Variants in ACTR3C observed in about 807,000 individuals in gnomAD.
ACTR3C encodes actin related protein 3C.
Under a neutral mutation model 26.3 loss-of-function variants are expected in ACTR3C, and 18 were observed. That is an observed-to-expected ratio of 0.68 (90% CI 0.47 to 1.01). The LOEUF is 1.01. Among genes scored for constraint, ACTR3C ranks in the 50% least tolerant of loss-of-function variants. The pLI, the probability that ACTR3C is intolerant of heterozygous loss-of-function variation, is 0.00. For synonymous variants in ACTR3C, 55 were observed against 94.5 expected, an observed-to-expected ratio of 0.58 and a Z score of 2.42; for missense variants, 184 against 250.7, an observed-to-expected ratio of 0.73 and a Z score of 1.80.
At chr7:149,997,624 A>G in the ACTR3C span, among the ~76,000 whole-genome samples, 1 of 151,026 alleles carries the variant, frequency 6.6e-6, no homozygotes, top group African/African-American at 2.4e-5. Context: ...AAGGCAGGAT[A>G]ATAGAGTCGA....
chr7:150,283,585 C>T lies in ACTR3C; in HGVS notation c.564+1168G>A, dbSNP rs148007399. Among the ~76,000 whole-genome samples the T allele has an allele frequency of 4.6e-3, 691 of 151,572 alleles. 5 individuals carry two copies. Among genetic ancestry groups the T allele is most frequent in the African/African-American group, 0.016 (640 of 41,072 alleles). On this transcript the variant is annotated intron_variant, in intron 6 of 7. Transcript: ENST00000683684. ...TTTAGCATACATAATTCAAAAAATA[C>T]GCAAACTATATATTTTATATAAAAT... is the stretch of plus-strand genomic sequence containing the variant.
At chr7:149,937,142 C>T in the ACTR3C span, among the ~76,000 whole-genome samples, 1 of 147,720 alleles carries the variant, frequency 6.8e-6, no homozygotes, top group Non-Finnish European at 1.5e-5. Context: ...ATAGTGCTGT[C>T]GGGAAGATCA....
At chr7:150,036,046 G>A in the ACTR3C span, among the ~76,000 whole-genome samples, 1 of 128,002 alleles carries the variant, frequency 7.8e-6, no homozygotes, top group South Asian at 2.3e-4. Context: ...GTGGGAAGAG[G>A]GGCTCGCTCT....
At chr7:149,938,214 C>A in the ACTR3C span, among the ~76,000 whole-genome samples, 1 of 152,186 alleles carries the variant, frequency 6.6e-6, no homozygotes, top group Non-Finnish European at 1.5e-5. Context: ...AAGCTCTACT[C>A]TCAGCCCCCA....
At chr7:150,194,612 T>C in the ACTR3C span, among the ~76,000 whole-genome samples, 14 of 152,186 alleles carry the variant, frequency 9.2e-5, no homozygotes, top group Non-Finnish European at 1.9e-4. Context: ...TCCTAGCTCT[T>C]TTCAAGTTGT....
At chr7:150,140,297 G>T in the ACTR3C span, among the ~76,000 whole-genome samples, 1 of 152,080 alleles carries the variant, frequency 6.6e-6, no homozygotes, top group Non-Finnish European at 1.5e-5. Context: ...CTCACTTGGG[G>T]TATGGCTATT....
chr7:149,938,345 A>C, the ACTR3C span, among the ~76,000 whole-genome samples: 1 of 152,208 alleles, frequency 6.6e-6, no homozygotes, highest in African/African-American at 2.4e-5. Context: ...AAAATAGAGA[A>C]AATGCAGAGA....
the ACTR3C span, chr7:150,047,616 T>G: frequency 9.7e-7 from 1 of 1,031,644 alleles, no homozygotes; most frequent in Non-Finnish European, 1.2e-6. Context: ...TACGTCCTCC[T>G]TGTCACCATC....
At chr7:150,141,064 T>C in the ACTR3C span, among the ~76,000 whole-genome samples, 1 of 152,242 alleles carries the variant, frequency 6.6e-6, no homozygotes, top group Non-Finnish European at 1.5e-5. Context: ...TTCAGTTCAA[T>C]TCTATGGAGG....
chr7:150,062,308 TAAA>T, the ACTR3C span: 2 of 68,212 alleles, frequency 2.9e-5, no homozygotes, highest in African/African-American at 1.3e-4. Flanking sequence ...GATTTTTTTT[TAAA>T]ATTGAAAAAT....
chr7:150,082,996 A>G, the ACTR3C span, among the ~76,000 whole-genome samples: 2 of 125,450 alleles, frequency 1.6e-5, no homozygotes, highest in Non-Finnish European at 3.1e-5. Flanking sequence ...TCCAGGCTGG[A>G]GTGCAGTGGT....
At chr7:150,291,449 C>T (rs1039536852) in intron 3 of ACTR3C, among the ~76,000 whole-genome samples, 7 of 152,118 alleles carry the variant, frequency 4.6e-5, no homozygotes, top group African/African-American at 1.7e-4. Context: ...AGAAAAAGAG[C>T]TTAAAGACTA....
chr7:150,136,219 A>G, the ACTR3C span, among the ~76,000 whole-genome samples: 1 of 152,208 alleles, frequency 6.6e-6, no homozygotes, highest in Non-Finnish European at 1.5e-5. Context: ...TGGTGTGCCC[A>G]GGTAGATGGC....
the ACTR3C span, among the ~76,000 whole-genome samples, chr7:149,959,171 T>A: frequency 6.6e-6 from 1 of 151,966 alleles, no homozygotes; most frequent in Non-Finnish European, 1.5e-5. Context: ...GCAGGGAAGA[T>A]GTGTGTTAAT....
the ACTR3C span, among the ~76,000 whole-genome samples, chr7:149,976,060 T>C: frequency 6.6e-6 from 1 of 152,250 alleles, no homozygotes; most frequent in Non-Finnish European, 1.5e-5. Context: ...GCATTTTTAA[T>C]TTCACAAGAA....
At chr7:149,921,769 C>T in the ACTR3C span, among the ~76,000 whole-genome samples, 13 of 151,838 alleles carry the variant, frequency 8.6e-5, no homozygotes, top group African/African-American at 1.2e-4. Flanking sequence ...CCTAGCTACT[C>T]GGGAGGCTGA....
At chr7:150,003,501 G>T in the ACTR3C span, among the ~76,000 whole-genome samples, 1 of 152,376 alleles carries the variant, frequency 6.6e-6, no homozygotes, top group East Asian at 1.9e-4. Context: ...TGTAGGATGT[G>T]TGGCATGCGG....
At chr7:150,045,714 AAAG>A in the ACTR3C span, among the ~76,000 whole-genome samples, 2 of 152,310 alleles carry the variant, frequency 1.3e-5, no homozygotes, top group East Asian at 1.9e-4. Context: ...GTCACAATAA[AAAG>A]AAGGACATGT....
the ACTR3C span, among the ~76,000 whole-genome samples, chr7:149,978,531 T>G: frequency 3.3e-5 from 5 of 152,028 alleles, no homozygotes; most frequent in African/African-American, 1.2e-4. Context: ...AAAGCTAATA[T>G]GTTGTCATGT....
Sources: gnomAD v4.1 joint callset for allele counts (sites outside exome capture counted in the v4.1 genomes callset) on GRCh38, gnomAD v4.1.1 for gene constraint, MANE v1.5 for transcripts, NCBI Gene and HGNC (gene_info 2026-07-23, HGNC 2026-07-21) for gene names.